TANGO6: variants seen among roughly 807,000 people sequenced by gnomAD.
The protein encoded by TANGO6 is transport and golgi organization 6 homolog.
A neutral mutation model predicts 114.2 loss-of-function variants in TANGO6; 90 were observed. The ratio of observed to expected loss-of-function variants is 0.79; its 90% confidence interval spans 0.66 to 0.94. TANGO6 has a LOEUF of 0.94. Ranked by LOEUF, TANGO6 falls within the 40% of genes least tolerant of loss-of-function variation. The probability of loss-of-function intolerance (pLI) is 0.00; values close to 1 mark genes in which losing one functional copy is unlikely to be tolerated. For synonymous variants in TANGO6, 477 were observed against 509.8 expected (o/e 0.94, Z 0.87); for missense variants, 1,274 against 1,315.3 (o/e 0.97, Z 0.49).
intron 14 of TANGO6, 88 bp downstream of exon 14, chr16:68,930,383 C>A: frequency 9.1e-7 from 1 of 1,102,846 alleles, no homozygotes; most frequent in Non-Finnish European, 1.3e-6. Flanking sequence ...AGTCCTAGGG[C>A]CAGGAGACTA....
chr16:68,924,909 C>T (rs1963146858), intron 12 of TANGO6, among the ~76,000 whole-genome samples: 1 of 152,154 alleles, frequency 6.6e-6, no homozygotes, highest in Non-Finnish European at 1.5e-5. Context: ...GTTGTGGGCA[C>T]CTGGTTGTCC....
intron 17 of TANGO6, among the ~76,000 whole-genome samples, chr16:69,072,361 C>T (rs1397337445): frequency 6.6e-6 from 1 of 152,058 alleles, no homozygotes; most frequent in Non-Finnish European, 1.5e-5. Flanking sequence ...CACAGCCATA[C>T]CCACTCCACC....
chr16:68,908,421 TC>T (rs1304722353), intron 10 of TANGO6, among the ~76,000 whole-genome samples: 1 of 152,152 alleles, frequency 6.6e-6, no homozygotes, highest in Non-Finnish European at 1.5e-5. Flanking sequence ...ACGCCTGTAA[TC>T]CCAGCACTTT....
intron 14 of TANGO6, among the ~76,000 whole-genome samples, chr16:68,953,484 G>A (rs943552123): frequency 1.3e-5 from 2 of 152,204 alleles, no homozygotes; most frequent in African/African-American, 4.8e-5. Flanking sequence ...TACAGTTGGA[G>A]AAGAGCAAAT....
intron 14 of TANGO6, among the ~76,000 whole-genome samples, chr16:68,948,532 A>G (rs1963439224): frequency 6.6e-6 from 1 of 152,200 alleles, no homozygotes; most frequent in Non-Finnish European, 1.5e-5. Context: ...ATAATCAATC[A>G]TAGTGCCCTC....
intron 1 of TANGO6, among the ~76,000 whole-genome samples, chr16:68,849,536 T>A (rs1961867401): frequency 6.6e-6 from 1 of 152,030 alleles, no homozygotes; most frequent in African/African-American, 2.4e-5. Context: ...GGCACATGCC[T>A]GTGGTCCCCG....
intron 16 of TANGO6, among the ~76,000 whole-genome samples, chr16:69,033,044 C>G (rs1173518229): frequency 1.3e-5 from 2 of 150,806 alleles, no homozygotes; most frequent in African/African-American, 4.9e-5. Flanking sequence ...AAATTAGCCC[C>G]GTGTGGTGGC....
At chr16:68,968,913 G>T (rs1012389826) in intron 14 of TANGO6, among the ~76,000 whole-genome samples, 1 of 147,030 alleles carries the variant, frequency 6.8e-6, no homozygotes, top group Non-Finnish European at 1.5e-5. Flanking sequence ...CTTGTGATCC[G>T]CCCGCCTCGG....
At chr16:69,059,018 C>T (rs1327637202) in intron 17 of TANGO6, among the ~76,000 whole-genome samples, 1 of 151,536 alleles carries the variant, frequency 6.6e-6, no homozygotes, top group Non-Finnish European at 1.5e-5. Context: ...AGTGATTCTC[C>T]TTCCTCAGCC....
chr16:68,957,389 A>G (rs1963541723), intron 14 of TANGO6, among the ~76,000 whole-genome samples: 1 of 147,302 alleles, frequency 6.8e-6, no homozygotes, highest in African/African-American at 2.5e-5. Context: ...ATAACCAAGC[A>G]TAACACTATT....
At chr16:68,847,734 T>TCA (rs1183487960) in intron 1 of TANGO6, among the ~76,000 whole-genome samples, 9 of 152,174 alleles carry the variant, frequency 5.9e-5, no homozygotes, top group Non-Finnish European at 1.3e-4. Flanking sequence ...GCGCGGTAGC[T>TCA]CACACCTGTA....
At chr16:68,979,285 A>G (rs1320809170) in intron 15 of TANGO6, among the ~76,000 whole-genome samples, 1 of 151,602 alleles carries the variant, frequency 6.6e-6, no homozygotes, top group Non-Finnish European at 1.5e-5. Flanking sequence ...GCCGGAGTGC[A>G]GTGGTGTGAT....
At chr16:68,850,638 G>T (rs1443621358) in intron 1 of TANGO6, among the ~76,000 whole-genome samples, 1 of 152,166 alleles carries the variant, frequency 6.6e-6, no homozygotes, top group Non-Finnish European at 1.5e-5. Context: ...TTTCTCTGAA[G>T]GACCAGATAG....
intron 15 of TANGO6, among the ~76,000 whole-genome samples, chr16:69,009,282 T>C (rs972335440): frequency 1.6e-4 from 24 of 151,966 alleles, no homozygotes; most frequent in Admixed American, 1.4e-3. Flanking sequence ...GGTTTCTCCA[T>C]GTTGATAAGG....
chr16:68,924,803 A>C (rs1457960465), intron 12 of TANGO6, among the ~76,000 whole-genome samples: 2 of 151,626 alleles, frequency 1.3e-5, no homozygotes, highest in African/African-American at 2.4e-5. Flanking sequence ...AAAAAAGAAA[A>C]CAGAAACAAA....
Position 68,900,469 on chromosome 16 carries a change from G to T in TANGO6, c.1413G>T (p.Leu471Phe). 1 of 1,613,956 alleles carries T rather than the reference G, an allele frequency of 6.2e-7. No individual in the cohort carries two copies. The highest frequency in any genetic ancestry group is 1.3e-5 in the African/African-American group (1 of 75,036). The change falls in exon 8 of 18, where the codon TTG becomes TTT. Residue 471 changes from leucine to phenylalanine, a missense_variant. Leu to Phe is a conservative substitution (Grantham distance 22). Transcript: ENST00000261778. ...YVVGNEPLTVLMDSLLPVLGV... is the reference protein window; with the variant it reads ...YVVGNEPLTVFMDSLLPVLGV... ...TTGGGAATGAACCTTTAACAGTTTT[G>T]ATGGATTCCCTGCTTCCAGTCCTGG...
At chr16:68,943,198 G>A (rs1031687951) in intron 14 of TANGO6, among the ~76,000 whole-genome samples, 2 of 150,448 alleles carry the variant, frequency 1.3e-5, no homozygotes, top group African/African-American at 2.4e-5. Context: ...ACTATGCCTG[G>A]CCTTATTTAT....
intron 9 of TANGO6, among the ~76,000 whole-genome samples, chr16:68,905,713 A>G (rs950026629): frequency 9.9e-5 from 15 of 152,018 alleles, no homozygotes; most frequent in Non-Finnish European, 1.5e-4. Flanking sequence ...TTCTACAAAA[A>G]AATACAAAAA....
chr16:69,014,260 C>T (rs1458950182), intron 15 of TANGO6, among the ~76,000 whole-genome samples: 1 of 152,090 alleles, frequency 6.6e-6, no homozygotes, highest in Non-Finnish European at 1.5e-5. Context: ...CCTTTAGTTC[C>T]TCATGGTTTC....
Sources: allele counts gnomAD v4.1 joint callset (sites outside exome capture counted in the v4.1 genomes callset), GRCh38; gene constraint gnomAD v4.1.1; transcripts MANE v1.5; gene names NCBI Gene and HGNC (gene_info 2026-07-23, HGNC 2026-07-21).